MAP2: variants seen among roughly 807,000 people sequenced by gnomAD.
MAP2 encodes microtubule associated protein 2.
MAP2 carries 14 observed loss-of-function variants against 137.6 expected under a neutral mutation model. The observed-to-expected ratio is 0.10, with a 90% CI of 0.07 to 0.16. MAP2 has a LOEUF of 0.16. Among genes scored for constraint, MAP2 ranks in the 10% least tolerant of loss-of-function variants. MAP2 has a pLI of 1.00. For synonymous variants in MAP2, 786 were observed against 782.3 expected (o/e 1.00, Z -0.08); for missense variants, 2,088 against 2,191.5 (o/e 0.95, Z 0.94).
chr2:209,507,830 A>C (rs1256833893), intron 2 of MAP2, among the ~76,000 whole-genome samples, 189 bp downstream of exon 2: 1 of 152,136 alleles, frequency 6.6e-6, no homozygotes, highest in Admixed American at 6.6e-5. Context: ...TTTTCTAATT[A>C]GTATAATTTA....
intron 11 of MAP2, chr2:209,704,739 C>G: frequency 2.3e-6 from 2 of 874,598 alleles, no homozygotes; most frequent in Non-Finnish European, 1.6e-6. Flanking sequence ...GTGTTTGACA[C>G]ATAAACAGTA....
chr2:209,613,965 G>A (rs2088018206), intron 3 of MAP2, among the ~76,000 whole-genome samples: 1 of 152,084 alleles, frequency 6.6e-6, no homozygotes, highest in South Asian at 2.1e-4. Flanking sequence ...TTAAGCCCAG[G>A]CTTTAATCTT....
intron 7 of MAP2, 29 bp from the exon 8 acceptor site, chr2:209,692,596 T>C (rs1238713257): frequency 6.5e-7 from 1 of 1,528,464 alleles, no homozygotes; most frequent in Admixed American, 2.3e-5. Context: ...TGCCTATTAT[T>C]TGTTTAAAAA....
chr2:209,469,797 C>T (rs1212481568), intron 1 of MAP2, among the ~76,000 whole-genome samples: 2 of 152,162 alleles, frequency 1.3e-5, no homozygotes, highest in Non-Finnish European at 2.9e-5. Context: ...AATAATTTGT[C>T]TTTCAGCCAC....
intron 1 of MAP2, among the ~76,000 whole-genome samples, chr2:209,504,869 C>G (rs2060839157): frequency 2.0e-5 from 3 of 151,980 alleles, no homozygotes; most frequent in Admixed American, 2.0e-4. Context: ...AGTGTATCCA[C>G]TCTGTCTTTC....
chr2:209,455,692 A>T (rs182304917), intron 1 of MAP2, among the ~76,000 whole-genome samples: 1 of 152,182 alleles, frequency 6.6e-6, no homozygotes, highest in African/African-American at 2.4e-5. Flanking sequence ...ATATAAATAA[A>T]TTTTTTAAGG....
chr2:209,695,644 A>T lies in MAP2; in HGVS notation c.3474A>T (p.Ser1158=). 4.3e-6 allele frequency: 7 copies of T among 1,614,130 alleles called. No homozygotes were observed. Among genetic ancestry groups the T allele is most frequent in the Non-Finnish European group, 5.9e-6 (7 of 1,180,000 alleles). The change falls in exon 8 of 16, where the codon TCA becomes TCT. Residue 1158 remains serine (S), a synonymous_variant. Coordinates refer to ENST00000682079, the MANE Select transcript of MAP2 (RefSeq NM_001375505.1). ...GCAAGAAGGAAACATCTCCAGAATC[A>T]TCTCTAATTCAAGATGAGATTGCCG... ...DEGKKETSPE[S]SLIQDEIAVK...
chr2:209,690,724 G>A (rs1258591293), intron 7 of MAP2: 1 of 1,289,836 alleles, frequency 7.8e-7, no homozygotes, highest in Admixed American at 2.3e-5. Flanking sequence ...GCCAAATGGA[G>A]TCTAGTGCGG....
chr2:209,667,665 T>A (rs10432440), intron 5 of MAP2, among the ~76,000 whole-genome samples: 2 of 152,044 alleles, frequency 1.3e-5, no homozygotes, highest in Non-Finnish European at 2.9e-5. Context: ...AATATTTTCC[T>A]GAAAATTTCA....
At chr2:209,458,142 A>ATACTCATT (rs1701978085) in intron 1 of MAP2, among the ~76,000 whole-genome samples, 1 of 152,170 alleles carries the variant, frequency 6.6e-6, no homozygotes, top group Non-Finnish European at 1.5e-5. Flanking sequence ...TTAATAAAGT[A>ATACTCATT]GAATCATTGT....
chr2:209,451,560 T>C (rs1700323947), intron 1 of MAP2, among the ~76,000 whole-genome samples: 1 of 152,210 alleles, frequency 6.6e-6, no homozygotes, highest in South Asian at 2.1e-4. Flanking sequence ...TCTACTTTTC[T>C]AGCCCTGGCT....
chr2:209,520,116 T>G (rs1023737293), intron 2 of MAP2, among the ~76,000 whole-genome samples: 1 of 152,064 alleles, frequency 6.6e-6, no homozygotes, highest in African/African-American at 2.4e-5. Flanking sequence ...CCCCATCCTT[T>G]TTTATAGCAG....
chr2:209,553,451 T>G (rs2069716452), intron 2 of MAP2, among the ~76,000 whole-genome samples: 1 of 152,170 alleles, frequency 6.6e-6, no homozygotes, highest in Non-Finnish European at 1.5e-5. Context: ...AATTTAAAAA[T>G]TCCTGGGCTC....
At chr2:209,635,484 C>G (rs895199496) in intron 4 of MAP2, among the ~76,000 whole-genome samples, 1 of 152,090 alleles carries the variant, frequency 6.6e-6, no homozygotes, top group African/African-American at 2.4e-5. Context: ...GATGAACTTA[C>G]AAATAACCGT....
chr2:209,544,011 C>T (rs1349982444), intron 2 of MAP2, among the ~76,000 whole-genome samples: 1 of 152,098 alleles, frequency 6.6e-6, no homozygotes, highest in South Asian at 2.1e-4. Context: ...GGGCGGATCA[C>T]GAGGTCAGGA....
In MAP2 at chr2:209,731,775, T is replaced by C. The variant is rs2075808641; in HGVS notation, c.*1378T>C. 1 of 152,124 alleles carries C rather than the reference T, an allele frequency of 6.6e-6. No individual in the cohort carries two copies. Among genetic ancestry groups the C allele is most frequent in the Admixed American group, 6.6e-5 (1 of 15,258 alleles). 9.4% of individuals were successfully genotyped at this position (152,124 alleles called of 1,614,324 possible). ...CTTACCCAAAGTAAAGATCCCCTGATCAGAAAGAAAAAATACAATACTTTG... is the reference window on the plus strand; with the variant it reads ...CTTACCCAAAGTAAAGATCCCCTGACCAGAAAGAAAAAATACAATACTTTG... On this transcript the variant is annotated 3_prime_UTR_variant, in exon 16 of 16. Coordinates refer to ENST00000682079, the MANE Select transcript of MAP2 (RefSeq NM_001375505.1).
chr2:209,536,146 A>C lies in MAP2; in HGVS notation c.-172+28505A>C, dbSNP rs540304256. 5.3e-5 allele frequency among the ~76,000 whole-genome samples: 8 copies of C among 152,336 alleles called. No individual in the cohort carries two copies. The East Asian group carries it at 1.5e-3, about 29-fold the overall frequency. The stretch of plus-strand genomic sequence containing the variant: ...CAGCATTTGTTTAAATGTTTGTTAA[A>C]TGTTTATTCTCCTAAACATTTAATA... On this transcript the variant is annotated intron_variant, in intron 2 of 15. Coordinates refer to ENST00000682079, the MANE Select transcript of MAP2 (RefSeq NM_001375505.1).
chr2:209,562,712 C>A (rs1012857757), intron 2 of MAP2, among the ~76,000 whole-genome samples: 1 of 151,664 alleles, frequency 6.6e-6, no homozygotes, highest in South Asian at 2.1e-4. Flanking sequence ...AAACAAAAAG[C>A]GAATGCAAAC....
chr2:209,640,328 G>T (rs13399574), intron 4 of MAP2, among the ~76,000 whole-genome samples: 9,695 of 152,086 alleles, frequency 0.064, 556 homozygotes, highest in African/African-American at 0.15. Flanking sequence ...ATACACAGAA[G>T]CCTGTCCATT....
Sources: gnomAD v4.1 joint callset for allele counts (sites outside exome capture counted in the v4.1 genomes callset) on GRCh38, gnomAD v4.1.1 for gene constraint, MANE v1.5 for transcripts, NCBI Gene and HGNC (gene_info 2026-07-23, HGNC 2026-07-21) for gene names.